The following EPN3 variants were observed in gnomAD, a reference collection of about 807,000 sequenced individuals.
EPN3 encodes the protein epsin-3.
A neutral mutation model predicts 55.5 loss-of-function variants in EPN3; 56 were observed. The ratio of observed to expected loss-of-function variants is 1.01; its 90% CI spans 0.81 to 1.26. The LOEUF (loss-of-function observed/expected upper bound fraction) is 1.26, where lower values mean the gene tolerates loss of function less well. Among genes scored for constraint, EPN3 ranks in the 50% most tolerant of loss-of-function variants. The probability of loss-of-function intolerance (pLI) is 0.00; values close to 1 mark genes in which losing one functional copy is unlikely to be tolerated. For missense variants in EPN3, 927 were observed against 853.4 expected (o/e 1.09, Z -1.07); for synonymous variants, 449 against 375.2 (o/e 1.20, Z -2.27).
chr17:50,534,049 C>T (rs1304066486), intron 1 of EPN3, among the ~76,000 whole-genome samples: 3 of 152,200 alleles, frequency 2.0e-5, no homozygotes, highest in East Asian at 3.9e-4. Flanking sequence ...TGCTCCCTCC[C>T]GCGTTCCCGC....
At position 50,542,268 on chromosome 17, in the gene EPN3, C is replaced by A; in HGVS notation, c.*111C>A. ...TGCTAGTGGAACGCCGAGCCAGTGG[C>A]GGCTGGTATCCCGCGGCGGCTCTGG... On this transcript the variant is annotated 3_prime_UTR_variant, in exon 10 of 10. Transcript: ENST00000268933. 5.0e-6 allele frequency: 6 copies of A among 1,198,362 alleles called. No homozygotes were observed. The highest frequency in any genetic ancestry group is 3.6e-5 in the South Asian group (2 of 55,956). 74.2% of individuals were successfully genotyped at this position (1,198,362 alleles called of 1,614,324 possible).
intron 1 of EPN3, among the ~76,000 whole-genome samples, chr17:50,533,869 G>A (rs1288526148): frequency 6.6e-6 from 1 of 152,128 alleles, no homozygotes; most frequent in Admixed American, 6.5e-5. Flanking sequence ...CACCTGACAG[G>A]GTCTGGCTCA....
chr17:50,542,434 GCTGTTTAGGA>G lies in EPN3; in HGVS notation c.*278_*287del. On this transcript the variant is annotated 3_prime_UTR_variant, in exon 10 of 10. Transcript: ENST00000268933. ...GTCTCGACCACAGCGTGGATCACCG[GCTGTTTAGGA>G]AACTGCAGCTGCACAACGTGGGGTG... The G allele has an allele frequency of 2.5e-6, 1 of 396,432 alleles. No homozygotes were observed. Among genetic ancestry groups the G allele is most frequent in the South Asian group, 4.7e-5 (1 of 21,418 alleles). The allele number at this position is 396,432 out of a possible 1,614,324, so 24.6% of individuals were successfully genotyped here. A position where few individuals can be genotyped will look rare whatever the true frequency, so the allele number is the denominator to read the frequency against.
At chr17:50,533,049 GCAAA>G in intron 1 of EPN3, 64 bp downstream of exon 1, 1 of 1,050,946 alleles carries the variant, frequency 9.5e-7, no homozygotes, top group Non-Finnish European at 1.3e-6. Flanking sequence ...TTGGTGGGGA[GCAAA>G]CAGTGGTTCT....
Position 50,542,032 on chromosome 17 carries a change from C to T in EPN3, c.1774C>T (p.Leu592Phe), listed in dbSNP as rs1004496609. Residue 592 changes from leucine to phenylalanine, a missense_variant, in exon 10 of 10, where the codon CTC becomes TTC. Physicochemically the swap from Leu to Phe is conservative, Grantham distance 22. Coordinates refer to ENST00000268933, the MANE Select transcript of EPN3 (RefSeq NM_017957.3). The part of the protein sequence containing the change: ...PLSSVPAGLT[L>F]PASVSVFPQA... ...CAGCAGCGTGCCAGCTGGCTTGACC[C>T]TCCCCGCCTCGGTTAGCGTCTTCCC... is the stretch of plus-strand genomic sequence containing the variant. The T allele has an allele frequency of 6.3e-7, 1 of 1,596,260 alleles. No homozygotes were observed. Among genetic ancestry groups the T allele is most frequent in the African/African-American group, 1.3e-5 (1 of 74,672 alleles).
In EPN3 at chr17:50,543,687, C is replaced by T. The variant is rs2034876460; in HGVS notation, c.*1530C>T. The T allele has an allele frequency of 6.6e-6, 1 of 152,268 alleles. No homozygotes were observed. Among genetic ancestry groups the T allele is most frequent in the African/African-American group, 2.4e-5 (1 of 41,462 alleles). 9.4% of individuals were successfully genotyped at this position (152,268 alleles called of 1,614,324 possible). The stretch of plus-strand genomic sequence containing the variant: ...GTTCTGCTCCAAGGTTTGACCCTAA[C>T]AAGAATCACTTAGTAATAAGTGGTT... On this transcript the variant is annotated 3_prime_UTR_variant, in exon 10 of 10. Coordinates refer to ENST00000268933, the MANE Select transcript of EPN3 (RefSeq NM_017957.3).
rs2034812169 is a variant in EPN3 at position 50,539,302 on chromosome 17, TAAA to T, written c.881_883del (p.Lys294del). 5 of 1,613,906 alleles carry T rather than the reference TAAA, an allele frequency of 3.1e-6. No homozygotes were observed. Among genetic ancestry groups the T allele is most frequent in the Non-Finnish European group, 3.4e-6 (4 of 1,179,986 alleles). On this transcript the variant is annotated inframe_deletion, in exon 5 of 10. Coordinates refer to ENST00000268933, the MANE Select transcript of EPN3 (RefSeq NM_017957.3). Reference sequence around the variant, plus strand: ...GAAGAGAGAAAGGAGGAGGAGAAGCTAAAAACCAGCCAGGTAGGGAGTGGGCTG... The same window carrying T: ...GAAGAGAGAAAGGAGGAGGAGAAGCTAACCAGCCAGGTAGGGAGTGGGCTG...
intron 3 of EPN3, 110 bp downstream of exon 3, chr17:50,538,307 G>A: frequency 1.2e-6 from 1 of 815,856 alleles, no homozygotes; most frequent in South Asian, 1.6e-5. Flanking sequence ...CCCCAGTCCT[G>A]TGCCCAAGGA....
Position 50,540,326 on chromosome 17 carries a change from A to C in EPN3, c.971A>C (p.Asp324Ala). 1 of 1,610,928 alleles carries C rather than the reference A, an allele frequency of 6.2e-7. No individual in the cohort carries two copies. The highest frequency in any genetic ancestry group is 8.5e-7 in the Non-Finnish European group (1 of 1,179,664). The change falls in exon 6 of 10, where the codon GAC (aspartate) becomes GCC (alanine). Residue 324 changes from aspartate to alanine, a missense_variant. Coordinates refer to ENST00000268933, the MANE Select transcript of EPN3 (RefSeq NM_017957.3). ...PSTHCSADPW[D>A]IPGFRPNTEA... is the part of the protein sequence containing the mutation. Reference sequence around the variant, plus strand: ...ACACACTGCTCTGCTGACCCATGGGACATCCCAGGTGGGCATGCAGGGCTG... The same window carrying C: ...ACACACTGCTCTGCTGACCCATGGGCCATCCCAGGTGGGCATGCAGGGCTG...
chr17:50,532,822 G>T lies in EPN3; in HGVS notation c.-300G>T. Reference sequence around the variant, plus strand: ...GGGACCCTGCCGCTGCCCCTCTGAGGGGTCTGCACCTCCTGGGAGCAGGTG... The same window carrying T: ...GGGACCCTGCCGCTGCCCCTCTGAGTGGTCTGCACCTCCTGGGAGCAGGTG... On this transcript the variant is annotated 5_prime_UTR_variant, in exon 1 of 10. Transcript: ENST00000268933. 8.4e-7 allele frequency: 1 copy of T among 1,186,416 alleles called. No individual in the cohort carries two copies. The highest frequency in any genetic ancestry group is 1.1e-6 in the Non-Finnish European group (1 of 906,438). The allele number at this position is 1,186,416 out of a possible 1,614,324, so 73.5% of individuals were successfully genotyped here.
Position 50,538,097 on chromosome 17 carries a change from G to T in EPN3, c.581G>T (p.Arg194Leu), listed in dbSNP as rs148637970. Residue 194 changes from arginine to leucine, a missense_variant, in exon 3 of 10, where the codon CGC (arginine) becomes CTC (leucine). Arg to Leu is a moderately radical substitution (Grantham distance 102, BLOSUM62 -2). Coordinates refer to ENST00000268933, the MANE Select transcript of EPN3 (RefSeq NM_017957.3). The part of the protein sequence containing the change: ...SSYNSSSSSP[R>L]YTSDLEQARP... ...ATTGCAGCCTCCTCTTCGTCACCCC[G>T]CTATACCTCCGACCTGGAGCAGGCC... The T allele has an allele frequency of 2.6e-3, 4,270 of 1,613,956 alleles. 15 individuals carry two copies. Among genetic ancestry groups the T allele is most frequent in the South Asian group, 6.6e-3 (599 of 91,052 alleles).
At position 50,542,283 on chromosome 17, in the gene EPN3, G is replaced by A; in HGVS notation, c.*126G>A. The A allele has an allele frequency of 9.2e-7, 1 of 1,092,564 alleles. No homozygotes were observed. The highest frequency in any genetic ancestry group is 3.4e-5 in the East Asian group (1 of 29,606). 67.7% of individuals were successfully genotyped at this position (1,092,564 alleles called of 1,614,324 possible). ...GAGCCAGTGGCGGCTGGTATCCCGC[G>A]GCGGCTCTGGAAGCTGGACGCGGAC... On this transcript the variant is annotated 3_prime_UTR_variant, in exon 10 of 10. Coordinates refer to ENST00000268933, the MANE Select transcript of EPN3 (RefSeq NM_017957.3).
At chr17:50,537,151 G>C (rs927183427) in intron 2 of EPN3, 33 bp downstream of exon 2, 1 of 1,525,624 alleles carries the variant, frequency 6.6e-7, no homozygotes, top group Non-Finnish European at 8.8e-7. Context: ...CTGGGATGGG[G>C]AGGTGGCCCG....
rs756734982 is a variant in EPN3 at position 50,536,564 on chromosome 17, C to T, written c.8C>T (p.Thr3Ile). 3 of 1,613,890 alleles carry T rather than the reference C, an allele frequency of 1.9e-6. No homozygotes were observed. The highest frequency in any genetic ancestry group is 2.5e-6 in the Non-Finnish European group (3 of 1,180,024). The change falls in exon 2 of 10, where the codon ACC becomes ATC. Residue 3 changes from threonine (T) to isoleucine (I), a missense_variant. By Grantham distance (89) the Thr-to-Ile change is moderately conservative (BLOSUM62 -1). Coordinates refer to ENST00000268933, the MANE Select transcript of EPN3 (RefSeq NM_017957.3). The stretch of plus-strand genomic sequence containing the variant: ...ACCTCCAAGTCTCCAGCCATGACGA[C>T]CTCCGCACTCCGGCGCCAGGTGAAG... MT[T>I]SALRRQVKNI...
intron 1 of EPN3, chr17:50,534,424 C>T (rs940766698): frequency 8.8e-5 from 87 of 985,508 alleles, no homozygotes; most frequent in Non-Finnish European, 1.0e-4. Context: ...TCACAGTGCC[C>T]GACTGGTTCT....
chr17:50,541,116 G>A, intron 7 of EPN3, 54 bp downstream of exon 7: 1 of 1,577,204 alleles, frequency 6.3e-7, no homozygotes. Context: ...TCCAGGCAGG[G>A]CCAAGGGGCA....
chr17:50,537,108 C>G lies in EPN3; in HGVS notation c.552C>G (p.Ser184=). The G allele has an allele frequency of 6.3e-7, 1 of 1,599,474 alleles. No individual in the cohort carries two copies. The highest frequency in any genetic ancestry group is 8.5e-7 in the Non-Finnish European group (1 of 1,174,310). The change falls in exon 2 of 10, where the codon TCC becomes TCG. Residue 184 remains serine, a synonymous_variant. Coordinates refer to ENST00000268933, the MANE Select transcript of EPN3 (RefSeq NM_017957.3). ...EDYSRSRGSP[S]SYNSSSSSPR... Reference sequence around the variant, plus strand: ...ACAGCCGCTCCCGGGGCTCCCCGTCCTCCTACAACTGTGAGTAAGCCCCGG... The same window carrying G: ...ACAGCCGCTCCCGGGGCTCCCCGTCGTCCTACAACTGTGAGTAAGCCCCGG...
Position 50,540,883 on chromosome 17 carries a change from G to C in EPN3, c.1070G>C (p.Arg357Pro). Residue 357 changes from arginine (R) to proline (P), a missense_variant, in exon 7 of 10, where the codon CGA (arginine) becomes CCA (proline). Arg to Pro is a moderately radical substitution (Grantham distance 103). Coordinates refer to ENST00000268933, the MANE Select transcript of EPN3 (RefSeq NM_017957.3). ...ATCCCCTCAGGAACCGTCCTGTCCC[G>C]AAGCCAGCCCTGGGATCTGACTCCC... The part of the protein sequence containing the change: ...SPIPSGTVLS[R>P]SQPWDLTPML... 1 of 1,614,138 alleles carries C rather than the reference G, an allele frequency of 6.2e-7. No individual in the cohort carries two copies. The highest frequency in any genetic ancestry group is 1.1e-5 in the South Asian group (1 of 91,084).
intron 1 of EPN3, among the ~76,000 whole-genome samples, chr17:50,534,828 C>T (rs1474234587): frequency 6.6e-6 from 1 of 152,148 alleles, no homozygotes; most frequent in Non-Finnish European, 1.5e-5. Flanking sequence ...TGCGAGAGGA[C>T]AGTCTCCTTC....
Sources: allele counts gnomAD v4.1 joint callset (sites outside exome capture counted in the v4.1 genomes callset), GRCh38; gene constraint gnomAD v4.1.1; transcripts MANE v1.5; gene names NCBI Gene and HGNC (gene_info 2026-07-23, HGNC 2026-07-21).